The following RRAS2 variants were observed in gnomAD, a reference collection of about 807,000 sequenced individuals.
RRAS2 encodes the protein RAS related 2, also known as ras-related protein R-Ras2.
A neutral mutation model predicts 27.6 loss-of-function variants in RRAS2; 7 were observed. The observed-to-expected ratio is 0.25, with a 90% CI of 0.14 to 0.48. The LOEUF (loss-of-function observed/expected upper bound fraction) is 0.48. RRAS2 is among the 20% of genes least tolerant of loss of function. The probability of loss-of-function intolerance (pLI) is 0.99; values close to 1 mark genes in which losing one functional copy is unlikely to be tolerated. For missense variants in RRAS2, 178 were observed against 256.2 expected, an observed-to-expected ratio of 0.69 and a Z score of 2.08; for synonymous variants, 86 against 90.9, an observed-to-expected ratio of 0.95 and a Z score of 0.31.
chr11:14,364,452 A>C, exon 1 of RRAS2: 1 of 1,508,158 alleles, frequency 6.6e-7, no homozygotes, highest in Non-Finnish European at 8.9e-7. Context: ...TTTAATGTGA[A>C]TGAATGGCTG....
intron 1 of RRAS2, among the ~76,000 whole-genome samples, chr11:14,297,107 C>T (rs782459759): frequency 6.6e-6 from 1 of 152,188 alleles, no homozygotes; most frequent in Non-Finnish European, 1.5e-5. Flanking sequence ...CAGAAGGGCA[C>T]TAACCAGGAC....
intron 1 of RRAS2, among the ~76,000 whole-genome samples, chr11:14,318,105 C>T (rs1387936068): frequency 6.6e-6 from 1 of 152,132 alleles, no homozygotes; most frequent in African/African-American, 2.4e-5. Flanking sequence ...ACCCTGTCTT[C>T]GCAAAATCCT....
rs558509000 is a variant in RRAS2, at chr11:14,325,542, T to A, written c.109-29687A>T. 4.6e-5 allele frequency among the ~76,000 whole-genome samples: 7 copies of A among 152,178 alleles called. No individual in the cohort carries two copies. The East Asian group carries it at 1.4e-3, about 29-fold the overall frequency. ...TCTCGATCTCCTGACCTCGTGATCCTCCCGCCTTGGCCTCCCAAAGTGCTG... is the reference window on the plus strand; with the variant it reads ...TCTCGATCTCCTGACCTCGTGATCCACCCGCCTTGGCCTCCCAAAGTGCTG... On this transcript the variant is annotated intron_variant, in intron 1 of 5. Coordinates refer to ENST00000256196, the MANE Select transcript of RRAS2 (RefSeq NM_012250.6).
At chr11:14,333,500 A>T (rs948216534) in intron 1 of RRAS2, among the ~76,000 whole-genome samples, 8 of 151,084 alleles carry the variant, frequency 5.3e-5, no homozygotes, top group African/African-American at 7.4e-5. Flanking sequence ...AAAAATAATT[A>T]AAATCATCCA....
At chr11:14,295,153 G>A (rs1297096357) in intron 2 of RRAS2, among the ~76,000 whole-genome samples, 1 of 152,104 alleles carries the variant, frequency 6.6e-6, no homozygotes, top group Non-Finnish European at 1.5e-5. Flanking sequence ...GGAGTCAGGT[G>A]ACCTCTAAAA....
chr11:14,281,578 AC>A, intron 5 of RRAS2, 23 bp downstream of exon 5: 1 of 1,523,840 alleles, frequency 6.6e-7, no homozygotes, highest in Non-Finnish European at 8.9e-7. Context: ...ATTAAAACAC[AC>A]ATCTAGAATG....
chr11:14,314,378 T>C (rs1471919927), intron 1 of RRAS2, among the ~76,000 whole-genome samples: 1 of 152,212 alleles, frequency 6.6e-6, no homozygotes, highest in African/African-American at 2.4e-5. Context: ...TAAACTGTTC[T>C]GGTCTCTAAT....
intron 1 of RRAS2, chr11:14,356,801 CTTTT>C (rs34757328): frequency 3.7e-3 from 1,348 of 368,992 alleles, no homozygotes; most frequent in East Asian, 6.1e-3. Flanking sequence ...GCAATTAATG[CTTTT>C]TTTTTTTTTT....
At chr11:14,344,537 C>A (rs1848787961) in intron 1 of RRAS2, among the ~76,000 whole-genome samples, 1 of 152,166 alleles carries the variant, frequency 6.6e-6, no homozygotes, top group African/African-American at 2.4e-5. Context: ...ATTAAATCTA[C>A]CACAAATCTT....
At chr11:14,347,133 C>T (rs780335670) in intron 1 of RRAS2, among the ~76,000 whole-genome samples, 34 of 152,174 alleles carry the variant, frequency 2.2e-4, no homozygotes, top group Non-Finnish European at 3.7e-4. Flanking sequence ...ACTGCACTCC[C>T]GCTTGGACAA....
chr11:14,328,977 TTATA>T (rs1180184941), intron 1 of RRAS2, among the ~76,000 whole-genome samples: 3 of 142,036 alleles, frequency 2.1e-5, no homozygotes, highest in Admixed American at 7.2e-5. Context: ...ACACCAAATT[TTATA>T]TATATGTGTG....
chr11:14,318,393 C>T (rs576769167), intron 1 of RRAS2, among the ~76,000 whole-genome samples: 1 of 152,188 alleles, frequency 6.6e-6, no homozygotes, highest in South Asian at 2.1e-4. Context: ...GTACTAGCTA[C>T]TTGGGAGGCT....
chr11:14,308,426 T>G (rs181413866), intron 1 of RRAS2: 7 of 256,126 alleles, frequency 2.7e-5, no homozygotes, highest in African/African-American at 1.4e-4. Flanking sequence ...TAAACCTCTT[T>G]CCTGGCTCTC....
At chr11:14,356,811 T>C (rs1849085799) in intron 1 of RRAS2, 1 of 442,702 alleles carries the variant, frequency 2.3e-6, no homozygotes, top group East Asian at 7.0e-5. Context: ...CTTTTTTTTT[T>C]TTTTTTTTGA....
chr11:14,288,974 T>G (rs1001997792), intron 4 of RRAS2, among the ~76,000 whole-genome samples: 1 of 152,214 alleles, frequency 6.6e-6, no homozygotes, highest in Non-Finnish European at 1.5e-5. Context: ...CATACCTCTG[T>G]TCTATATGCT....
intron 1 of RRAS2, among the ~76,000 whole-genome samples, chr11:14,305,576 CCTT>C (rs1331162839): frequency 3.9e-5 from 6 of 152,282 alleles, no homozygotes; most frequent in East Asian, 1.9e-4. Context: ...CTGGGTTTAG[CCTT>C]CTTCTGAAAA....
At chr11:14,291,745 T>C (rs1554945821) in intron 4 of RRAS2, among the ~76,000 whole-genome samples, 1 of 151,896 alleles carries the variant, frequency 6.6e-6, no homozygotes, top group African/African-American at 2.4e-5. Context: ...ACAAAGCCAG[T>C]GCCACAATAT....
Position 14,358,842 on chromosome 11 carries a change from G to T in RRAS2, c.29C>A (p.Ser10Tyr). The part of the protein sequence containing the change: MAAAGWRDG[S>Y]GQEKYRLVVV... ...CACGAGCCGGTACTTCTCCTGGCCG[G>T]AGCCGTCCCGCCAGCCGGCCGCGGC... Residue 10 changes from serine to tyrosine, a missense_variant, in exon 1 of 6, where the codon TCC (serine) becomes TAC (tyrosine). Transcript: ENST00000256196. The surrounding 1 kb of genome is among the most constrained non-coding windows in gnomAD (Gnocchi z 5.1). 6.7e-7 allele frequency: 1 copy of T among 1,482,756 alleles called. No individual in the cohort carries two copies. Among genetic ancestry groups the T allele is most frequent in the Non-Finnish European group, 9.0e-7 (1 of 1,110,026 alleles). 91.8% of individuals were successfully genotyped at this position (1,482,756 alleles called of 1,614,324 possible).
At chr11:14,286,670 T>C (rs1554945076) in intron 4 of RRAS2, among the ~76,000 whole-genome samples, 1 of 152,202 alleles carries the variant, frequency 6.6e-6, no homozygotes, top group Admixed American at 6.5e-5. Context: ...TATACATATA[T>C]CCAACAACTA....
Sources: allele counts gnomAD v4.1 joint callset (sites outside exome capture counted in the v4.1 genomes callset), GRCh38; gene constraint gnomAD v4.1.1; non-coding constraint Gnocchi (gnomAD v3.1); transcripts MANE v1.5; gene names NCBI Gene and HGNC (gene_info 2026-07-23, HGNC 2026-07-21).